Variants in A4GALT observed in about 807,000 individuals in gnomAD.
A4GALT encodes alpha 1,4-galactosyltransferase (P1PK blood group).
For synonymous variants in A4GALT, 257 were observed against 220.7 expected, an observed-to-expected ratio of 1.16 and a Z score of -1.46; for missense variants, 512 against 486.0, an observed-to-expected ratio of 1.05 and a Z score of -0.50.
intron 1 of A4GALT, among the ~76,000 whole-genome samples, chr22:42,716,956 G>A (rs1049647513): frequency 6.6e-5 from 10 of 152,168 alleles, no homozygotes; most frequent in African/African-American, 1.7e-4. Flanking sequence ...CTGGCTCCCT[G>A]TCTGCCAGCT....
chr22:42,709,067 A>ATATATATATATATATATATTTTTTTTT (rs1180529043), intron 1 of A4GALT, among the ~76,000 whole-genome samples: 2 of 128,800 alleles, frequency 1.6e-5, no homozygotes, highest in African/African-American at 5.6e-5. Context: ...ATATATATAT[A>ATATATATATATATATATATTTTTTTTT]TTTTTTTTAA....
rs539871597 is a variant in A4GALT at position 42,709,083 on chromosome 22, G to A, written c.-188+11714C>T. ...TATATATATATTTTTTTTAAGACAGGGTCTGCTGTCACCCAGGCTGGAATG... is the reference window on the plus strand; with the variant it reads ...TATATATATATTTTTTTTAAGACAGAGTCTGCTGTCACCCAGGCTGGAATG... On this transcript the variant is annotated intron_variant, in intron 1 of 2. Coordinates refer to ENST00000642412, the MANE Select transcript of A4GALT (RefSeq NM_017436.7). 2.1e-3 allele frequency among the ~76,000 whole-genome samples: 179 copies of A among 83,454 alleles called. 3 individuals carry two copies. Among genetic ancestry groups the A allele is most frequent in the South Asian group, 1.9e-3 (4 of 2,086 alleles). The allele number at this position is 83,454 out of a possible 152,430, so 54.7% of individuals were successfully genotyped here. A position where few individuals can be genotyped will look rare whatever the true frequency, so the allele number is the denominator to read the frequency against.
At chr22:42,694,878 T>C (rs1384349636) in intron 2 of A4GALT, 1 of 152,196 alleles carries the variant, frequency 6.6e-6, no homozygotes, top group African/African-American at 2.4e-5. Flanking sequence ...CCAGGTGACT[T>C]TCTCAGCATC....
intron 1 of A4GALT, among the ~76,000 whole-genome samples, chr22:42,707,383 T>C (rs1921242029): frequency 6.6e-6 from 1 of 152,182 alleles, no homozygotes; most frequent in African/African-American, 2.4e-5. Flanking sequence ...AGGCTGGGCA[T>C]GGTGGCTCAT....
rs367730324 is a variant in A4GALT at position 42,693,010 on chromosome 22, G to C, written c.942C>G (p.Val314=). ...CCTGGCTCTTCTTGTTCCACACGTG[G>C]ACAGCATAGGTGGCACTGAGCAGCC... The part of the protein sequence containing the change: ...LPRLLSATYA[V]HVWNKKSQGT... Residue 314 remains valine, a synonymous_variant, in exon 3 of 3, where the codon GTC becomes GTG. Transcript: ENST00000642412. The C allele has an allele frequency of 6.2e-7, 1 of 1,613,572 alleles. No individual in the cohort carries two copies. Among genetic ancestry groups the C allele is most frequent in the African/African-American group, 1.3e-5 (1 of 74,938 alleles).
At position 42,692,974 on chromosome 22, in the gene A4GALT, G is replaced by C; in HGVS notation, c.978C>G (p.Phe326Leu). Residue 326 changes from phenylalanine (F) to leucine (L), a missense_variant, in exon 3 of 3, where the codon TTC becomes TTG. Transcript: ENST00000642412. This position sits in a 1 kb window ranked among gnomAD's most constrained non-coding sequence, Gnocchi z 4.6. ...CCAGCAGTGCCCTGGACGTGGCCTCGAACCGCGTGCCCTGGCTCTTCTTGT... is the reference window on the plus strand; with the variant it reads ...CCAGCAGTGCCCTGGACGTGGCCTCCAACCGCGTGCCCTGGCTCTTCTTGT... The part of the protein sequence containing the change: ...VWNKKSQGTR[F>L]EATSRALLAQ... 1 of 1,613,080 alleles carries C rather than the reference G, an allele frequency of 6.2e-7. No individual in the cohort carries two copies. Among genetic ancestry groups the C allele is most frequent in the Non-Finnish European group, 8.5e-7 (1 of 1,179,946 alleles).
intron 1 of A4GALT, among the ~76,000 whole-genome samples, chr22:42,702,518 G>A (rs1225422980): frequency 1.3e-5 from 2 of 152,138 alleles, no homozygotes; most frequent in Non-Finnish European, 2.9e-5. Context: ...TGTATTTTTA[G>A]TAGAGACGGG....
intron 1 of A4GALT, among the ~76,000 whole-genome samples, chr22:42,705,150 C>G (rs1920980261): frequency 6.6e-6 from 1 of 152,180 alleles, no homozygotes; most frequent in Non-Finnish European, 1.5e-5. Flanking sequence ...ACTGTCCTGG[C>G]TTCTCTCCCA....
chr22:42,713,534 G>A (rs1188286796), intron 1 of A4GALT, among the ~76,000 whole-genome samples: 4 of 152,160 alleles, frequency 2.6e-5, no homozygotes, highest in African/African-American at 7.2e-5. Context: ...GGTGCTGGCC[G>A]GGCACAGTGG....
rs1178400746 is a variant in A4GALT, at chr22:42,703,056, G to GCT, written c.-187-7427_-187-7426dup. Among the ~76,000 whole-genome samples, 402 of 132,882 alleles carry GCT rather than the reference G, an allele frequency of 3.0e-3. 13 individuals carry two copies. Among genetic ancestry groups the GCT allele is most frequent in the African/African-American group, 0.014 (382 of 27,020 alleles). 87.2% of individuals were successfully genotyped at this position (132,882 alleles called of 152,430 possible). A position where few individuals can be genotyped will look rare whatever the true frequency, so the allele number is the denominator to read the frequency against. ...AGCCTTGGCTGGCACATGCTGCCCT[G>GCT]CTGTGTGTGTGTGTGTGTGTGTGTG... On this transcript the variant is annotated intron_variant, in intron 1 of 2. Coordinates refer to ENST00000642412, the MANE Select transcript of A4GALT (RefSeq NM_017436.7).
rs754976957 is a variant in A4GALT at position 42,707,955 on chromosome 22, C to CAA, written c.-187-12326_-187-12325dup. On this transcript the variant is annotated intron_variant, in intron 1 of 2. Coordinates refer to ENST00000642412, the MANE Select transcript of A4GALT (RefSeq NM_017436.7). ...GGGCACCACAGTGAGACTGTCACTA[C>CAA]AAAAAAAAAAAAAAAAGGCTGGGTG... 3.4e-3 allele frequency among the ~76,000 whole-genome samples: 357 copies of CAA among 106,046 alleles called. 6 individuals carry two copies. The highest frequency in any genetic ancestry group is 8.8e-3 in the South Asian group (30 of 3,390). The allele number at this position is 106,046 out of a possible 152,430, so 69.6% of individuals were successfully genotyped here. A position where few individuals can be genotyped will look rare whatever the true frequency, so the allele number is the denominator to read the frequency against.
At position 42,693,835 on chromosome 22, in the gene A4GALT, G is replaced by A; in HGVS notation, c.117C>T (p.Tyr39=). 2 of 1,609,228 alleles carry A rather than the reference G, an allele frequency of 1.2e-6. No individual in the cohort carries two copies. Among genetic ancestry groups the A allele is most frequent in the Non-Finnish European group, 1.7e-6 (2 of 1,178,050 alleles). The change falls in exon 3 of 3, where the codon TAC becomes TAT. Residue 39 remains tyrosine, a synonymous_variant. Transcript: ENST00000642412. ...CCTTGGGCTCTCCCACAACGTGCCAGTAGATCATGATGGAGACGAAAAACG... is the reference window on the plus strand; with the variant it reads ...CCTTGGGCTCTCCCACAACGTGCCAATAGATCATGATGGAGACGAAAAACG... ...KFTFFVSIMI[Y]WHVVGEPKEK...
intron 1 of A4GALT, among the ~76,000 whole-genome samples, chr22:42,702,479 A>G (rs1920928922): frequency 6.6e-6 from 1 of 151,912 alleles, no homozygotes; most frequent in African/African-American, 2.4e-5. Context: ...GTACTACAGG[A>G]GTGCGCCACC....
intron 2 of A4GALT, 62 bp from the exon 3 acceptor site, chr22:42,694,059 C>A: frequency 9.6e-7 from 1 of 1,040,426 alleles, no homozygotes; most frequent in Non-Finnish European, 1.4e-6. Flanking sequence ...ACAAGGAAAA[C>A]GCTTCCTGTG....
intron 2 of A4GALT, 92 bp from the exon 3 acceptor site, chr22:42,694,089 G>C: frequency 2.4e-6 from 2 of 835,378 alleles, no homozygotes; most frequent in African/African-American, 1.7e-5. Flanking sequence ...CAGAGCCAAG[G>C]CTGGCTTCCA....
At chr22:42,697,240 G>A (rs1455580207) in intron 1 of A4GALT, among the ~76,000 whole-genome samples, 4 of 152,086 alleles carry the variant, frequency 2.6e-5, no homozygotes, top group African/African-American at 9.7e-5. Flanking sequence ...CAGTAAGAGT[G>A]AACCAATGAG....
chr22:42,707,914 C>T (rs566291592), intron 1 of A4GALT, among the ~76,000 whole-genome samples: 2 of 143,296 alleles, frequency 1.4e-5, no homozygotes, highest in Non-Finnish European at 3.0e-5. Context: ...GTGGGAGGAT[C>T]GTTTGAGACC....
Position 42,692,713 on chromosome 22 carries a change from C to T in A4GALT, c.*177G>A, listed in dbSNP as rs778764960. 1.3e-6 allele frequency: 1 copy of T among 775,952 alleles called. No individual in the cohort carries two copies. Among genetic ancestry groups the T allele is most frequent in the South Asian group, 1.5e-5 (1 of 68,274 alleles). 48.1% of individuals were successfully genotyped at this position (775,952 alleles called of 1,614,324 possible). A position where few individuals can be genotyped will look rare whatever the true frequency, so the allele number is the denominator to read the frequency against. On this transcript the variant is annotated 3_prime_UTR_variant, in exon 3 of 3. Transcript: ENST00000642412. This position sits in a 1 kb window ranked among gnomAD's most constrained non-coding sequence, Gnocchi z 4.6. ...GTCAGCCCTGCCTCGAGACAGGACA[C>T]TGTCCTCGGGGTGTCCACAGCCTCC...
In A4GALT at chr22:42,694,014, C is replaced by A. The variant is rs1457423631; in HGVS notation, c.-46-17G>T. 2.8e-6 allele frequency: 4 copies of A among 1,421,038 alleles called. No homozygotes were observed. Among genetic ancestry groups the A allele is most frequent in the Middle Eastern group, 3.5e-4 (2 of 5,730 alleles). 88.0% of individuals were successfully genotyped at this position (1,421,038 alleles called of 1,614,324 possible). Reference sequence around the variant, plus strand: ...CCGGCTGGTCTGCAAGAGATGAGCACCCGCCATCAGGGAGGCCGTTGGCAT... The same window carrying A: ...CCGGCTGGTCTGCAAGAGATGAGCAACCGCCATCAGGGAGGCCGTTGGCAT... On this transcript the variant is annotated splice_polypyrimidine_tract_variant and intron_variant, in intron 2 of 2. Transcript: ENST00000642412.
Sources: gnomAD v4.1 joint callset for allele counts (sites outside exome capture counted in the v4.1 genomes callset) on GRCh38, gnomAD v4.1.1 for gene constraint, Gnocchi (gnomAD v3.1) non-coding constraint, MANE v1.5 for transcripts, NCBI Gene and HGNC (gene_info 2026-07-23, HGNC 2026-07-21) for gene names.